WWOX: variants seen among roughly 807,000 people sequenced by gnomAD.
The protein encoded by WWOX is WW domain containing oxidoreductase.
A neutral mutation model predicts 46.2 loss-of-function variants in WWOX; 69 were observed. That is an observed-to-expected ratio of 1.49 (90% confidence interval 1.23 to 1.82). The LOEUF (loss-of-function observed/expected upper bound fraction) is 1.82. Among genes scored for constraint, WWOX ranks in the 40% most tolerant of loss-of-function variants. The probability of loss-of-function intolerance (pLI) is 0.00; values close to 1 mark genes in which losing one functional copy is unlikely to be tolerated. For missense variants in WWOX, 919 were observed against 542.6 expected, an observed-to-expected ratio of 1.69 and a Z score of -6.89; for synonymous variants, 359 against 202.6, an observed-to-expected ratio of 1.77 and a Z score of -6.56.
At chr16:79,098,602 G>A (rs563014415) in intron 8 of WWOX, among the ~76,000 whole-genome samples, 4 of 152,176 alleles carry the variant, frequency 2.6e-5, no homozygotes, top group South Asian at 2.1e-4. Context: ...TCACCTTAGC[G>A]TTTTCTTTTG....
At chr16:78,617,567 C>T (rs1020288191) in intron 8 of WWOX, among the ~76,000 whole-genome samples, 13 of 152,280 alleles carry the variant, frequency 8.5e-5, no homozygotes, top group African/African-American at 1.4e-4. Flanking sequence ...TCTCTGAGGA[C>T]GTGCTTGTGT....
chr16:78,815,844 C>T (rs1038522658), intron 8 of WWOX, among the ~76,000 whole-genome samples: 2 of 152,182 alleles, frequency 1.3e-5, no homozygotes, highest in African/African-American at 4.8e-5. Context: ...ATGCTGACAT[C>T]TGGCTCTGTC....
chr16:78,568,741 C>T (rs1231686012), intron 8 of WWOX, among the ~76,000 whole-genome samples: 7 of 152,134 alleles, frequency 4.6e-5, no homozygotes, highest in Non-Finnish European at 1.0e-4. Context: ...TCCCAAAGTG[C>T]TGGGATTGCA....
chr16:79,120,006 A>G (rs949960123), intron 8 of WWOX, among the ~76,000 whole-genome samples: 9 of 152,164 alleles, frequency 5.9e-5, no homozygotes, highest in African/African-American at 2.2e-4. Flanking sequence ...GCTGGACAAC[A>G]TAACCACACA....
At chr16:78,353,411 G>T (rs1326085709) in intron 5 of WWOX, among the ~76,000 whole-genome samples, 1 of 152,186 alleles carries the variant, frequency 6.6e-6, no homozygotes, top group African/African-American at 2.4e-5. Context: ...TGTAAGCCAA[G>T]AGAAAGACAG....
intron 8 of WWOX, among the ~76,000 whole-genome samples, chr16:79,186,762 T>G (rs189041696): frequency 3.5e-4 from 53 of 152,232 alleles, no homozygotes; most frequent in Admixed American, 9.8e-4. Flanking sequence ...CTGGGAATTT[T>G]TCTCCAATCC....
At chr16:78,944,291 G>C (rs1399873792) in intron 8 of WWOX, among the ~76,000 whole-genome samples, 1 of 151,994 alleles carries the variant, frequency 6.6e-6, no homozygotes, top group African/African-American at 2.4e-5. Flanking sequence ...ACATCTTTCA[G>C]CCTCTACCAC....
intron 8 of WWOX, among the ~76,000 whole-genome samples, chr16:78,454,738 C>A (rs898716726): frequency 1.3e-5 from 2 of 152,160 alleles, no homozygotes; most frequent in Non-Finnish European, 2.9e-5. Flanking sequence ...GTCAGGTGAT[C>A]CATCCTCCTC....
intron 8 of WWOX, among the ~76,000 whole-genome samples, chr16:78,608,639 G>A (rs537706357): frequency 2.2e-4 from 33 of 152,250 alleles, no homozygotes; most frequent in Non-Finnish European, 4.7e-4. Context: ...TCACCAACCC[G>A]TTCCATCTTC....
chr16:78,567,206 C>T (rs1237045322), intron 8 of WWOX, among the ~76,000 whole-genome samples: 4 of 152,148 alleles, frequency 2.6e-5, no homozygotes, highest in Admixed American at 1.3e-4. Context: ...TGACGCTTTC[C>T]CAAAGCTGAG....
At chr16:78,199,665 G>A (rs1214419504) in intron 5 of WWOX, among the ~76,000 whole-genome samples, 2 of 152,148 alleles carry the variant, frequency 1.3e-5, no homozygotes, top group Non-Finnish European at 2.9e-5. Context: ...TTATTTCTGA[G>A]CCTGCGTAGA....
chr16:78,498,798 T>A (rs1439549135), intron 8 of WWOX, among the ~76,000 whole-genome samples: 3 of 152,186 alleles, frequency 2.0e-5, no homozygotes, highest in African/African-American at 7.2e-5. Flanking sequence ...ACTCCTGGTT[T>A]CAAGTAGTCT....
chr16:78,861,378 A>T (rs1439599112), intron 8 of WWOX, among the ~76,000 whole-genome samples: 1 of 152,124 alleles, frequency 6.6e-6, no homozygotes, highest in African/African-American at 2.4e-5. Flanking sequence ...ATTATTTTAA[A>T]ATGTAAAATG....
intron 8 of WWOX, among the ~76,000 whole-genome samples, chr16:79,018,282 T>C (rs2047457708): frequency 6.6e-6 from 1 of 152,214 alleles, no homozygotes; most frequent in Non-Finnish European, 1.5e-5. Context: ...CTGGTCATTG[T>C]AATGGTGTAA....
chr16:78,114,106 T>C (rs867236385), intron 3 of WWOX, among the ~76,000 whole-genome samples: 41 of 151,468 alleles, frequency 2.7e-4, no homozygotes, highest in African/African-American at 9.7e-4. Flanking sequence ...TTTTTTTTTT[T>C]TTTAATGGTT....
intron 8 of WWOX, among the ~76,000 whole-genome samples, chr16:79,134,583 G>T (rs556471838): frequency 1.8e-4 from 28 of 152,238 alleles, no homozygotes; most frequent in African/African-American, 6.3e-4. Context: ...CTCCACAGTA[G>T]ATTTTTTATA....
At chr16:78,131,809 C>T (rs1212320891) in intron 4 of WWOX, among the ~76,000 whole-genome samples, 1 of 151,670 alleles carries the variant, frequency 6.6e-6, no homozygotes, top group Non-Finnish European at 1.5e-5. Flanking sequence ...CGGTGTTGAA[C>T]TCCTGACCTC....
intron 5 of WWOX, among the ~76,000 whole-genome samples, chr16:78,192,820 T>C (rs1277980573): frequency 1.3e-5 from 2 of 152,264 alleles, no homozygotes; most frequent in Non-Finnish European, 2.9e-5. Context: ...TTTTGAATTA[T>C]GTAACTTAAG....
chr16:78,301,690 C>G (rs2080044129), intron 5 of WWOX, among the ~76,000 whole-genome samples: 2 of 152,144 alleles, frequency 1.3e-5, no homozygotes, highest in African/African-American at 4.8e-5. Flanking sequence ...GGCTGTTTGC[C>G]TGTGATTAGA....
Sources: allele counts gnomAD v4.1 joint callset (sites outside exome capture counted in the v4.1 genomes callset), GRCh38; gene constraint gnomAD v4.1.1; transcripts MANE v1.5; gene names NCBI Gene and HGNC (gene_info 2026-07-23, HGNC 2026-07-21).